ETV1: variants seen among roughly 807,000 people sequenced by gnomAD.
The protein encoded by ETV1 is ETS translocation variant 1.
In ETV1, 27 loss-of-function variants were observed where a neutral mutation model predicts 62.3. That is an observed-to-expected ratio of 0.43 (90% CI 0.32 to 0.60). The LOEUF (loss-of-function observed/expected upper bound fraction) is 0.60, where lower values mean the gene tolerates loss of function less well. ETV1 is among the 20% of genes least tolerant of loss of function. ETV1 has a pLI of 0.06. For missense variants in ETV1, 605 were observed against 605.8 expected (o/e 1.00, Z 0.01); for synonymous variants, 222 against 199.6 (o/e 1.11, Z -0.94).
chr7:13,896,778 A>AAGAAAGAAAG (rs1781880533), intron 13 of ETV1, among the ~76,000 whole-genome samples: 1 of 151,746 alleles, frequency 6.6e-6, no homozygotes, highest in Admixed American at 6.6e-5. Context: ...GAAAGAAAGA[A>AAGAAAGAAAG]AGAAAGAAAG....
intron 9 of ETV1, among the ~76,000 whole-genome samples, chr7:13,916,185 A>G (rs935924138): frequency 6.6e-6 from 1 of 152,206 alleles, no homozygotes; most frequent in African/African-American, 2.4e-5. Context: ...TTTTAAGTAA[A>G]CTGTGAATAT....
Position 13,893,706 on chromosome 7 carries a change from C to T in ETV1, c.*2160G>A, listed in dbSNP as rs942245861. The T allele has an allele frequency of 1.7e-5, 4 of 232,630 alleles. No homozygotes were observed. The highest frequency in any genetic ancestry group is 3.4e-5 in the Non-Finnish European group (4 of 117,574). The allele number at this position is 232,630 out of a possible 1,614,324, so 14.4% of individuals were successfully genotyped here. Reference sequence around the variant, plus strand: ...TATTTTAAAGACTCACTTAAATTTTCTCCTTCAATTTCACCAAATCTCAAT... The same window carrying T: ...TATTTTAAAGACTCACTTAAATTTTTTCCTTCAATTTCACCAAATCTCAAT... On this transcript the variant is annotated 3_prime_UTR_variant, in exon 14 of 14. Coordinates refer to ENST00000430479, the MANE Select transcript of ETV1 (RefSeq NM_004956.5).
Position 13,906,559 on chromosome 7 carries a change from G to C in ETV1, c.981C>G (p.Pro327=). 1 of 1,612,144 alleles carries C rather than the reference G, an allele frequency of 6.2e-7. No individual in the cohort carries two copies. The highest frequency in any genetic ancestry group is 8.5e-7 in the Non-Finnish European group (1 of 1,179,068). ...KQEPGMYREG[P]TYQRRGSLQL... is the part of the protein sequence containing the mutation. ...GAAGTGATCCTCGCCGTTGGTATGTGGGTCCTTCCCGATACATTCCTGGCT... is the reference window on the plus strand; with the variant it reads ...GAAGTGATCCTCGCCGTTGGTATGTCGGTCCTTCCCGATACATTCCTGGCT... Residue 327 remains proline, a synonymous_variant, in exon 12 of 14, where the codon CCC becomes CCG. Coordinates refer to ENST00000430479, the MANE Select transcript of ETV1 (RefSeq NM_004956.5).
Position 13,895,766 on chromosome 7 carries a change from A to G in ETV1, c.*100T>C. The G allele has an allele frequency of 1.2e-6, 1 of 824,138 alleles. No individual in the cohort carries two copies. The highest frequency in any genetic ancestry group is 1.7e-5 in the South Asian group (1 of 58,564). The allele number at this position is 824,138 out of a possible 1,614,324, so 51.1% of individuals were successfully genotyped here. A position where few individuals can be genotyped will look rare whatever the true frequency, so the allele number is the denominator to read the frequency against. The stretch of plus-strand genomic sequence containing the variant: ...TTTTTGTGTATTATTATTTAAAAAT[A>G]AAATACAAACAACAGAAATAAAACA... On this transcript the variant is annotated 3_prime_UTR_variant, in exon 14 of 14. Coordinates refer to ENST00000430479, the MANE Select transcript of ETV1 (RefSeq NM_004956.5).
intron 6 of ETV1, among the ~76,000 whole-genome samples, chr7:13,944,399 A>G (rs747267251): frequency 1.3e-5 from 2 of 152,188 alleles, no homozygotes; most frequent in African/African-American, 2.4e-5. Flanking sequence ...CACATAGCAG[A>G]AATCACAAGT....
chr7:13,929,431 C>G (rs1785826685), intron 9 of ETV1, among the ~76,000 whole-genome samples: 3 of 152,174 alleles, frequency 2.0e-5, no homozygotes. Context: ...TCAGCCATGT[C>G]AAGTTTAGTA....
At chr7:13,934,223 G>A (rs1330982297) in intron 8 of ETV1, among the ~76,000 whole-genome samples, 1 of 152,186 alleles carries the variant, frequency 6.6e-6, no homozygotes, top group African/African-American at 2.4e-5. Context: ...AGGCTACAGG[G>A]TGAGAAGAAA....
chr7:13,969,522 T>A (rs1370694113), intron 6 of ETV1, among the ~76,000 whole-genome samples: 2 of 152,186 alleles, frequency 1.3e-5, no homozygotes, highest in African/African-American at 4.8e-5. Flanking sequence ...ATTAAGTATA[T>A]GAGAAAATAT....
Position 13,906,614 on chromosome 7 carries a change from T to A in ETV1, c.941-15A>T. The A allele has an allele frequency of 6.4e-7, 1 of 1,571,540 alleles. No homozygotes were observed. Among genetic ancestry groups the A allele is most frequent in the Non-Finnish European group, 8.6e-7 (1 of 1,159,726 alleles). ...TTTGATGTCTCCTAAATTAAAACAT[T>A]TTTAAGTTTCTATTATTAGCAATAC... On this transcript the variant is annotated splice_polypyrimidine_tract_variant and intron_variant, in intron 11 of 13. Coordinates refer to ENST00000430479, the MANE Select transcript of ETV1 (RefSeq NM_004956.5).
At chr7:13,896,744 G>A (rs1562577952) in intron 13 of ETV1, among the ~76,000 whole-genome samples, 184 of 3,376 alleles carry the variant, frequency 0.055, no homozygotes, top group Middle Eastern at 0.25. Flanking sequence ...AGAAAGAAAG[G>A]AAAGAAAGAA....
intron 9 of ETV1, among the ~76,000 whole-genome samples, chr7:13,912,535 T>A (rs752818723): frequency 6.6e-6 from 1 of 152,186 alleles, no homozygotes; most frequent in African/African-American, 2.4e-5. Flanking sequence ...TATAATAAGG[T>A]TAATGCCAGA....
chr7:13,925,732 A>AT (rs1393860933), intron 9 of ETV1, among the ~76,000 whole-genome samples: 26 of 115,074 alleles, frequency 2.3e-4, no homozygotes, highest in Admixed American at 1.1e-3. Context: ...CGCCCGGCTA[A>AT]TTTTTTGTAT....
chr7:13,977,672 G>A (rs569926836), intron 5 of ETV1, among the ~76,000 whole-genome samples, 192 bp from the exon 6 acceptor site: 9 of 152,136 alleles, frequency 5.9e-5, no homozygotes, highest in Non-Finnish European at 1.2e-4. Flanking sequence ...GATCATTGAT[G>A]TCACCTAGGA....
rs76920142 is a variant in ETV1, at chr7:13,904,291, C to T, written c.1110+2139G>A. On this transcript the variant is annotated intron_variant, in intron 12 of 13. Coordinates refer to ENST00000430479, the MANE Select transcript of ETV1 (RefSeq NM_004956.5). ...CATTGAGTTGGTTATTATTTGGAAA[C>T]GCTCTACTGACTCTGAATTATCCAG... Among the ~76,000 whole-genome samples the T allele has an allele frequency of 2.5e-3, 387 of 152,320 alleles. 4 individuals carry two copies. Among genetic ancestry groups the T allele is most frequent in the African/African-American group, 8.7e-3 (360 of 41,580 alleles).
Position 13,891,417 on chromosome 7 carries a change from T to G in ETV1, c.*4449A>C, listed in dbSNP as rs1781377216. 4.3e-6 allele frequency: 1 copy of G among 231,626 alleles called. No individual in the cohort carries two copies. The highest frequency in any genetic ancestry group is 2.2e-5 in the African/African-American group (1 of 45,286). 14.3% of individuals were successfully genotyped at this position (231,626 alleles called of 1,614,324 possible). On this transcript the variant is annotated 3_prime_UTR_variant, in exon 14 of 14. Coordinates refer to ENST00000430479, the MANE Select transcript of ETV1 (RefSeq NM_004956.5). ...AATGAAAGTAACTAATACTGGAGTC[T>G]ATATGCAAAAAAGACCCTACCTTAC...
intron 3 of ETV1, chr7:13,988,773 C>T (rs1165326554): frequency 8.1e-6 from 13 of 1,609,800 alleles, no homozygotes; most frequent in Non-Finnish European, 1.1e-5. Flanking sequence ...TCATGTTGGG[C>T]ACTTTAATCA....
At chr7:13,955,567 A>G (rs2128476497) in intron 6 of ETV1, among the ~76,000 whole-genome samples, 1 of 152,330 alleles carries the variant, frequency 6.6e-6, no homozygotes, top group South Asian at 2.1e-4. Flanking sequence ...AGGAAAGCCA[A>G]GCAAGAAAGC....
chr7:13,964,867 A>G (rs1454748148), intron 6 of ETV1, among the ~76,000 whole-genome samples: 1 of 152,180 alleles, frequency 6.6e-6, no homozygotes. Context: ...TTCTTTTAAA[A>G]TCATGAAGAG....
chr7:13,945,558 A>T (rs1788059056), intron 6 of ETV1, among the ~76,000 whole-genome samples: 1 of 152,126 alleles, frequency 6.6e-6, no homozygotes, highest in African/African-American at 2.4e-5. Context: ...CCAACCTAAA[A>T]ATCTTCGACT....
Sources: allele counts gnomAD v4.1 joint callset (sites outside exome capture counted in the v4.1 genomes callset), GRCh38; gene constraint gnomAD v4.1.1; transcripts MANE v1.5; gene names NCBI Gene and HGNC (gene_info 2026-07-23, HGNC 2026-07-21).